Variants in SELENON observed in about 807,000 individuals in gnomAD.
SELENON encodes selenoprotein N, 1.
SELENON carries 44 observed loss-of-function variants against 59.5 expected under a neutral mutation model. The ratio of observed to expected loss-of-function variants is 0.74; its 90% CI spans 0.58 to 0.95. The LOEUF is 0.95. Among genes scored for constraint, SELENON ranks in the 40% least tolerant of loss-of-function variants. The pLI, the probability that SELENON is intolerant of heterozygous loss-of-function variation, is 0.00. For synonymous variants in SELENON, 320 were observed against 305.6 expected (o/e 1.05, Z -0.49); for missense variants, 674 against 721.4 (o/e 0.93, Z 0.75).
chr1:25,805,833 T>C (rs1273635347), intron 4 of SELENON, among the ~76,000 whole-genome samples: 1 of 152,042 alleles, frequency 6.6e-6, no homozygotes, highest in Non-Finnish European at 1.5e-5. Flanking sequence ...ACAGATGCTC[T>C]CCTTGCCAGC....
chr1:25,815,806 C>A lies in SELENON; in HGVS notation c.*88C>A. 1 of 1,394,686 alleles carries A rather than the reference C, an allele frequency of 7.2e-7. No individual in the cohort carries two copies. Among genetic ancestry groups the A allele is most frequent in the Non-Finnish European group, 1.0e-6 (1 of 998,998 alleles). The allele number at this position is 1,394,686 out of a possible 1,614,324, so 86.4% of individuals were successfully genotyped here. On this transcript the variant is annotated 3_prime_UTR_variant, in exon 13 of 13. Coordinates refer to ENST00000361547, the MANE Select transcript of SELENON (RefSeq NM_020451.3). ...CATTTCAGACTGCAGATGCCGCCCA[C>A]TCCCACCCCACTCCTAGGCTGCCTT...
intron 10 of SELENON, 65 bp from the exon 10 acceptor site, chr1:25,813,816 C>G: frequency 1.0e-5 from 13 of 1,281,656 alleles, no homozygotes; most frequent in Non-Finnish European, 1.5e-5. Context: ...CGTGAGGTCT[C>G]CCCAAAGCAA....
In SELENON at chr1:25,812,779, C is replaced by G; in HGVS notation, c.1374C>G (p.Asp458Glu). 6.2e-7 allele frequency: 1 copy of G among 1,612,888 alleles called. No individual in the cohort carries two copies. Among genetic ancestry groups the G allele is most frequent in the South Asian group, 1.1e-5 (1 of 90,782 alleles). ...TCCTGCTGTGGGGGGCCCTGGATGA[C>G]CAGTCCTGCTGAGGTGAGGGGCCCG... The change falls in exon 10 of 13, where the codon GAC becomes GAG. Residue 458 changes from aspartate to glutamate, a missense_variant. Physicochemically the swap from Asp to Glu is conservative, Grantham distance 45 (BLOSUM62 2). Coordinates refer to ENST00000361547, the MANE Select transcript of SELENON (RefSeq NM_020451.3).
chr1:25,814,193 T>G lies in SELENON; in HGVS notation c.1602+15T>G. On this transcript the variant is annotated intron_variant, in intron 12 of 12. Transcript: ENST00000361547. The stretch of plus-strand genomic sequence containing the variant: ...ATGGCACCGTGGTAGGCACCCCCAC[T>G]CAGACCCCACAGGGCCCAGGCACCT... 6.2e-7 allele frequency: 1 copy of G among 1,609,766 alleles called. No homozygotes were observed. Among genetic ancestry groups the G allele is most frequent in the Non-Finnish European group, 8.5e-7 (1 of 1,177,098 alleles).
At chr1:25,815,456 A>G in intron 12 of SELENON, 92 bp from the exon 12 acceptor site, 6 of 1,130,346 alleles carry the variant, frequency 5.3e-6, no homozygotes, top group Non-Finnish European at 6.6e-6. Context: ...TCAAGGCCTG[A>G]TAGCATCCCT....
chr1:25,803,805 C>G (rs925671215), intron 3 of SELENON, among the ~76,000 whole-genome samples: 18 of 151,540 alleles, frequency 1.2e-4, no homozygotes, highest in Admixed American at 3.3e-4. Context: ...TCAAGCAATT[C>G]TCCTGTCTCA....
At position 25,808,608 on chromosome 1, in the gene SELENON, G is replaced by A. The variant is rs1270320428; in HGVS notation, c.566G>A (p.Arg189Gln). Residue 189 changes from arginine to glutamine, a missense_variant, in exon 5 of 13, where the codon CGA becomes CAA. By Grantham distance (43) the Arg-to-Gln change is conservative. Coordinates refer to ENST00000361547, the MANE Select transcript of SELENON (RefSeq NM_020451.3). ...TCCCGCCTCGCCCTGTCCGGCCTCC[G>A]AAACTGGACAGCCGCCGCCTCACCA... 1.2e-5 allele frequency: 20 copies of A among 1,613,518 alleles called. 1 individual carries two copies. Among genetic ancestry groups the A allele is most frequent in the Admixed American group, 3.3e-5 (2 of 60,000 alleles).
At chr1:25,812,564 AACAC>A (rs59333545) in intron 9 of SELENON, 119 bp from the exon 9 acceptor site, 12,744 of 572,288 alleles carry the variant, frequency 0.022, 51 homozygotes, top group African/African-American at 0.044. Context: ...CCTACACACA[AACAC>A]ACACACACAC....
intron 4 of SELENON, 36 bp downstream of exon 3, chr1:25,805,311 G>T (rs765212948): frequency 6.2e-7 from 1 of 1,613,550 alleles, no homozygotes; most frequent in South Asian, 1.1e-5. Flanking sequence ...GGTCATCTGT[G>T]TGTATCCCGA....
At chr1:25,814,579 G>T (rs1346078706) in intron 12 of SELENON, among the ~76,000 whole-genome samples, 1 of 152,144 alleles carries the variant, frequency 6.6e-6, no homozygotes, top group Non-Finnish European at 1.5e-5. Context: ...CTCTCCCTAA[G>T]GGCCCCTTAC....
chr1:25,805,140 A>G lies in SELENON; in HGVS notation c.404-2A>G. 6.2e-7 allele frequency: 1 copy of G among 1,613,270 alleles called. No individual in the cohort carries two copies. The highest frequency in any genetic ancestry group is 8.5e-7 in the Non-Finnish European group (1 of 1,179,978). On this transcript the variant is annotated splice_acceptor_variant, in intron 3 of 12. Coordinates refer to ENST00000361547, the MANE Select transcript of SELENON (RefSeq NM_020451.3). LOFTEE classifies it high-confidence loss of function. ...TGCCTCTCCGATGTCTGTGTCTCAT[A>G]GGGTCAACTCCCGCGGCCAGCTGCG...
In SELENON at chr1:25,813,907, G is replaced by C. The variant is rs1009520342; in HGVS notation, c.1414G>C (p.Val472Leu). The change falls in exon 11 of 13, where the codon GTC (valine) becomes CTC (leucine). Residue 472 changes from valine (V) to leucine (L), a missense_variant. Transcript: ENST00000361547. ...TTCAGGGCGGACTCTCCGGGAGACT[G>C]TCCTGGAAAGTTCGCCCATCCTCAC... 1.9e-6 allele frequency: 3 copies of C among 1,613,954 alleles called. No individual in the cohort carries two copies. Among genetic ancestry groups the C allele is most frequent in the Non-Finnish European group, 2.5e-6 (3 of 1,179,990 alleles).
intron 1 of SELENON, among the ~76,000 whole-genome samples, chr1:25,800,670 C>A (rs1452840293): frequency 1.3e-5 from 2 of 151,876 alleles, no homozygotes; most frequent in Non-Finnish European, 2.9e-5. Flanking sequence ...AGAGGGGTGA[C>A]CTGGACACAG....
intron 4 of SELENON, 139 bp downstream of exon 3, chr1:25,805,414 C>T: frequency 8.5e-7 from 1 of 1,176,244 alleles, no homozygotes; most frequent in Non-Finnish European, 1.2e-6. Flanking sequence ...GTGATGTTGT[C>T]CCTGCTGTCC....
At chr1:25,811,359 T>C in intron 7 of SELENON, 95 bp from the exon 7 acceptor site, 1 of 1,116,250 alleles carries the variant, frequency 9.0e-7, no homozygotes, top group East Asian at 2.3e-5. Context: ...TGTCCTCATC[T>C]GGAAAGTGGA....
Position 25,803,532 on chromosome 1 carries a change from T to C in SELENON, c.403+1415T>C, listed in dbSNP as rs1195734456. The stretch of plus-strand genomic sequence containing the variant: ...TCATAAGTCAGGAAATAAAACTTTT[T>C]ATTAAAAAGCCAAAGGGCTGTAAAA... On this transcript the variant is annotated intron_variant, in intron 3 of 12. Coordinates refer to ENST00000361547, the MANE Select transcript of SELENON (RefSeq NM_020451.3). Among the ~76,000 whole-genome samples the C allele has an allele frequency of 4.6e-5, 7 of 152,280 alleles. No homozygotes were observed. In the South Asian group the frequency reaches 1.5e-3, roughly 32 times the overall value.
At chr1:25,804,836 C>T (rs2047891859) in intron 3 of SELENON, among the ~76,000 whole-genome samples, 3 of 152,202 alleles carry the variant, frequency 2.0e-5, no homozygotes, top group African/African-American at 4.8e-5. Context: ...TCATGGGTTT[C>T]GAGTAAACAG....
intron 4 of SELENON, among the ~76,000 whole-genome samples, chr1:25,806,019 C>T (rs1223064197): frequency 1.3e-5 from 2 of 152,274 alleles, no homozygotes; most frequent in South Asian, 2.1e-4. Flanking sequence ...TTTCTTCCAA[C>T]TGGGAGCCTT....
chr1:25,800,501 G>T, intron 1 of SELENON, 88 bp downstream of exon 1: 1 of 703,194 alleles, frequency 1.4e-6, no homozygotes, highest in South Asian at 4.9e-5. Context: ...GGGCATGGAC[G>T]AGTCGGGGGA....
Sources: allele counts gnomAD v4.1 joint callset (sites outside exome capture counted in the v4.1 genomes callset), GRCh38; gene constraint gnomAD v4.1.1; transcripts MANE v1.5; gene names NCBI Gene and HGNC (gene_info 2026-07-23, HGNC 2026-07-21).